ZC3H18: variants seen among roughly 807,000 people sequenced by gnomAD.
ZC3H18 encodes zinc finger CCCH-type containing 18.
In ZC3H18, 8 loss-of-function variants were observed where a neutral mutation model predicts 106.1. The ratio of observed to expected loss-of-function variants is 0.08; its 90% CI spans 0.04 to 0.14. ZC3H18 has a LOEUF of 0.14. ZC3H18 is among the 10% of genes least tolerant of loss of function. The probability of loss-of-function intolerance (pLI) is 1.00; values close to 1 mark genes in which losing one functional copy is unlikely to be tolerated. For synonymous variants in ZC3H18, 635 were observed against 522.1 expected, an observed-to-expected ratio of 1.22 and a Z score of -2.95; for missense variants, 1,318 against 1,278.4, an observed-to-expected ratio of 1.03 and a Z score of -0.47.
chr16:88,575,796 C>T (rs1442032578), intron 1 of ZC3H18, among the ~76,000 whole-genome samples: 1 of 151,858 alleles, frequency 6.6e-6, no homozygotes, highest in East Asian at 1.9e-4. Flanking sequence ...TTACTGCAGC[C>T]TCCACCTCCT....
At chr16:88,620,890 G>A (rs1258987775) in intron 8 of ZC3H18, among the ~76,000 whole-genome samples, 1 of 152,116 alleles carries the variant, frequency 6.6e-6, no homozygotes, top group African/African-American at 2.4e-5. Context: ...TTTTATAATG[G>A]AGTCTCACTC....
At chr16:88,606,020 T>C (rs1228972600) in intron 6 of ZC3H18, among the ~76,000 whole-genome samples, 1 of 152,228 alleles carries the variant, frequency 6.6e-6, no homozygotes, top group Non-Finnish European at 1.5e-5. Context: ...ACACTGTTGG[T>C]GTTGGCTGGT....
rs757522048 is a variant in ZC3H18, at chr16:88,611,249, G to A, written c.1207-19G>A. 5.3e-6 allele frequency: 4 copies of A among 757,114 alleles called. No individual in the cohort carries two copies. Among genetic ancestry groups the A allele is most frequent in the East Asian group, 2.5e-5 (1 of 40,666 alleles). The allele number at this position is 757,114 out of a possible 1,614,324, so 46.9% of individuals were successfully genotyped here. ...CAAATAACGCACGGTGTCCCCATGT[G>A]TTTGGCTTTTTAACAAAGGAAAGGG... On this transcript the variant is annotated intron_variant, in intron 7 of 17. Transcript: ENST00000301011.
intron 2 of ZC3H18, among the ~76,000 whole-genome samples, chr16:88,585,955 G>C (rs1473308376): frequency 6.6e-6 from 1 of 152,092 alleles, no homozygotes. Context: ...GTGTAAGGAG[G>C]GGTCTCAGCT....
At chr16:88,571,549 G>T in intron 1 of ZC3H18, 1 of 895,384 alleles carries the variant, frequency 1.1e-6, no homozygotes, top group Admixed American at 6.2e-5. Flanking sequence ...GGGCAGTATG[G>T]AGCCCAGCCA....
intron 3 of ZC3H18, among the ~76,000 whole-genome samples, chr16:88,596,664 A>G (rs1296384886): frequency 6.6e-6 from 1 of 152,084 alleles, no homozygotes; most frequent in Non-Finnish European, 1.5e-5. Flanking sequence ...AAAAAAAGGA[A>G]AAGGAGTACA....
intron 8 of ZC3H18, among the ~76,000 whole-genome samples, chr16:88,616,564 G>C (rs1277126238): frequency 6.6e-6 from 1 of 152,214 alleles, no homozygotes; most frequent in African/African-American, 2.4e-5. Flanking sequence ...CCCCAGCGCA[G>C]AATTTCCAGC....
At chr16:88,591,959 G>GT (rs1344461605) in intron 3 of ZC3H18, among the ~76,000 whole-genome samples, 2 of 152,116 alleles carry the variant, frequency 1.3e-5, no homozygotes, top group Non-Finnish European at 2.9e-5. Context: ...GTGGTTGTAT[G>GT]TTTCATCTTT....
intron 3 of ZC3H18, among the ~76,000 whole-genome samples, chr16:88,595,075 T>G (rs1904357956): frequency 6.6e-6 from 1 of 152,122 alleles, no homozygotes; most frequent in Non-Finnish European, 1.5e-5. Flanking sequence ...CACTTGAACC[T>G]GGGAGGCGGA....
intron 1 of ZC3H18, 41 bp from the exon 2 acceptor site, chr16:88,577,069 A>G (rs1407422162): frequency 1.9e-5 from 28 of 1,498,126 alleles, no homozygotes; most frequent in Non-Finnish European, 2.3e-5. Context: ...TTTGTTTTCC[A>G]TTTTGCTAAA....
chr16:88,629,671 T>C (rs1363450378), intron 16 of ZC3H18, among the ~76,000 whole-genome samples: 3 of 152,170 alleles, frequency 2.0e-5, no homozygotes, highest in African/African-American at 7.2e-5. Flanking sequence ...TATATTACTG[T>C]TGAACCACAC....
intron 3 of ZC3H18, among the ~76,000 whole-genome samples, chr16:88,594,149 G>A (rs190010068): frequency 1.3e-5 from 2 of 152,238 alleles, no homozygotes; most frequent in Admixed American, 1.3e-4. Flanking sequence ...ATGGTCGATC[G>A]CATGCAGATG....
In ZC3H18 at chr16:88,577,103, T is replaced by C; in HGVS notation, c.-14-7T>C. 1 of 1,513,904 alleles carries C rather than the reference T, an allele frequency of 6.6e-7. No individual in the cohort carries two copies. The highest frequency in any genetic ancestry group is 8.8e-7 in the Non-Finnish European group (1 of 1,130,960). 93.8% of individuals were successfully genotyped at this position (1,513,904 alleles called of 1,614,324 possible). On this transcript the variant is annotated splice_polypyrimidine_tract_variant and splice_region_variant and intron_variant, in intron 1 of 17. Coordinates refer to ENST00000301011, the MANE Select transcript of ZC3H18 (RefSeq NM_144604.4). ...AAGGCTGTCAATCTGTATTCTCTCT[T>C]TTGCAGAACCGTGGGTACCGATGGA...
intron 2 of ZC3H18, 71 bp downstream of exon 2, chr16:88,577,797 G>A: frequency 6.2e-7 from 1 of 1,608,154 alleles, no homozygotes; most frequent in Non-Finnish European, 8.5e-7. Flanking sequence ...TGCTGGAAAG[G>A]AGGGACTCTG....
chr16:88,623,655 A>C (rs143199995), intron 10 of ZC3H18: 1 of 546,852 alleles, frequency 1.8e-6, no homozygotes, highest in African/African-American at 1.9e-5. Context: ...GGGTGTTTCT[A>C]TGGGAGCTGT....
chr16:88,629,865 T>G (rs1415035792), intron 16 of ZC3H18, among the ~76,000 whole-genome samples: 1 of 152,192 alleles, frequency 6.6e-6, no homozygotes, highest in Non-Finnish European at 1.5e-5. Context: ...GGCAGGGGGC[T>G]TCCAGACCCC....
intron 2 of ZC3H18, among the ~76,000 whole-genome samples, chr16:88,580,480 G>T (rs1024884685): frequency 6.6e-6 from 1 of 152,146 alleles, no homozygotes; most frequent in Admixed American, 6.5e-5. Flanking sequence ...TTGTGGGAAG[G>T]ACCCAGCAGA....
chr16:88,628,159 A>C, intron 15 of ZC3H18, 40 bp downstream of exon 15: 1 of 1,601,190 alleles, frequency 6.2e-7, no homozygotes, highest in Non-Finnish European at 8.5e-7. Context: ...CCCAGCGTCT[A>C]GGCCTGGGTC....
At chr16:88,609,227 A>G in intron 7 of ZC3H18, 176 bp downstream of exon 7, 2 of 429,598 alleles carry the variant, frequency 4.7e-6, no homozygotes, top group Non-Finnish European at 4.2e-6. Context: ...CAGCGATTAC[A>G]TTAATGGTCA....
Sources: gnomAD v4.1 joint callset for allele counts (sites outside exome capture counted in the v4.1 genomes callset) on GRCh38, gnomAD v4.1.1 for gene constraint, MANE v1.5 for transcripts, NCBI Gene and HGNC (gene_info 2026-07-23, HGNC 2026-07-21) for gene names.